Variants in ZMYND11 observed in about 807,000 individuals in gnomAD.
ZMYND11 encodes zinc finger MYND-type containing 11.
ZMYND11 carries 9 observed loss-of-function variants against 84.9 expected under a neutral mutation model. The ratio of observed to expected loss-of-function variants is 0.11; its 90% CI spans 0.06 to 0.18. The LOEUF (loss-of-function observed/expected upper bound fraction) is 0.18, where lower values mean the gene tolerates loss of function less well. ZMYND11 is among the 10% of genes least tolerant of loss of function. The pLI, the probability that ZMYND11 is intolerant of heterozygous loss-of-function variation, is 1.00. For missense variants in ZMYND11, 409 were observed against 761.0 expected (o/e 0.54, Z 5.44); for synonymous variants, 250 against 244.1 (o/e 1.02, Z -0.23).
intron 4 of ZMYND11, among the ~76,000 whole-genome samples, chr10:234,162 T>A (rs554901427): frequency 1.8e-4 from 27 of 152,308 alleles, no homozygotes; most frequent in African/African-American, 6.3e-4. Flanking sequence ...ATAGAAACAG[T>A]GGATGGCTTT....
chr10:158,557 T>C (rs1554760249), intron 1 of ZMYND11, among the ~76,000 whole-genome samples: 1 of 151,676 alleles, frequency 6.6e-6, no homozygotes, highest in African/African-American at 2.4e-5. Context: ...GCTGGGACTA[T>C]AGGTGTTTGC....
chr10:176,334 C>T (rs1439874200), intron 1 of ZMYND11, among the ~76,000 whole-genome samples: 1 of 151,896 alleles, frequency 6.6e-6, no homozygotes, highest in African/African-American at 2.4e-5. Context: ...CCAAAAGGAG[C>T]CTGTAATATT....
intron 1 of ZMYND11, among the ~76,000 whole-genome samples, chr10:170,860 A>T (rs550960692): frequency 6.6e-6 from 1 of 152,272 alleles, no homozygotes; most frequent in South Asian, 2.1e-4. Flanking sequence ...AATCACTTGA[A>T]ATATGGCCTA....
chr10:186,807 ATGTT>A (rs1320117672), intron 2 of ZMYND11, among the ~76,000 whole-genome samples: 6 of 152,102 alleles, frequency 3.9e-5, no homozygotes, highest in African/African-American at 1.4e-4. Flanking sequence ...TCTGTTCTGA[ATGTT>A]TGTTCCATCT....
intron 1 of ZMYND11, among the ~76,000 whole-genome samples, chr10:150,450 G>C (rs1405462840): frequency 2.0e-5 from 3 of 152,220 alleles, no homozygotes; most frequent in Non-Finnish European, 2.9e-5. Flanking sequence ...TGTGGGATCA[G>C]TGGTGATATC....
intron 2 of ZMYND11, among the ~76,000 whole-genome samples, chr10:200,368 GTATA>G (rs904510616): frequency 7.0e-6 from 1 of 142,302 alleles, no homozygotes; most frequent in Non-Finnish European, 1.5e-5. Flanking sequence ...GTATATATGT[GTATA>G]TATGTATATA....
At chr10:151,600 G>A (rs1265589847) in intron 1 of ZMYND11, among the ~76,000 whole-genome samples, 3 of 152,202 alleles carry the variant, frequency 2.0e-5, no homozygotes, top group African/African-American at 7.2e-5. Context: ...TGGCGTACCT[G>A]AAAGTCACGG....
chr10:252,738 AT>A lies in ZMYND11; in HGVS notation c.*273del. On this transcript the variant is annotated 3_prime_UTR_variant, in exon 15 of 15. Transcript: ENST00000381604. This position sits in a 1 kb window ranked among gnomAD's most constrained non-coding sequence, Gnocchi z 4.6. ...TTGCATTTTCAGCAAATTTTAAAAC[AT>A]TTTTAGGTTTTACAGAGATTTTAAC... 3.1e-6 allele frequency: 1 copy of A among 317,626 alleles called. No individual in the cohort carries two copies. The highest frequency in any genetic ancestry group is 5.7e-6 in the Non-Finnish European group (1 of 174,046). The allele number at this position is 317,626 out of a possible 1,614,324, so 19.7% of individuals were successfully genotyped here.
chr10:224,084 A>G lies in ZMYND11; in HGVS notation c.438+2728A>G, dbSNP rs919146700. ...CTAACCATTACTACCTAAAACTGAC[A>G]ATGAAAAGAAGCCCTTTTCTAAGAG... On this transcript the variant is annotated intron_variant, in intron 4 of 14. Coordinates refer to ENST00000381604, the MANE Select transcript of ZMYND11 (RefSeq NM_001370100.5). Among the ~76,000 whole-genome samples the G allele has an allele frequency of 4.6e-5, 7 of 152,218 alleles. No homozygotes were observed. In the South Asian group the frequency reaches 1.4e-3, roughly 32 times the overall value.
At chr10:174,337 G>C (rs1359011563) in intron 1 of ZMYND11, among the ~76,000 whole-genome samples, 2 of 152,212 alleles carry the variant, frequency 1.3e-5, no homozygotes, top group Admixed American at 1.3e-4. Context: ...GTGACATCTT[G>C]GAAAAGGCAA....
intron 14 of ZMYND11, among the ~76,000 whole-genome samples, chr10:250,509 T>G (rs976496903): frequency 2.0e-5 from 3 of 151,926 alleles, no homozygotes; most frequent in Non-Finnish European, 4.4e-5. Flanking sequence ...AAAATTCTTA[T>G]GAGTAGAAAT....
chr10:182,277 T>C (rs1848044753), intron 2 of ZMYND11, among the ~76,000 whole-genome samples: 1 of 152,216 alleles, frequency 6.6e-6, no homozygotes, highest in African/African-American at 2.4e-5. Context: ...TGTATACACA[T>C]GTTAAACTGT....
chr10:220,380 T>C (rs1946941636), intron 3 of ZMYND11, among the ~76,000 whole-genome samples: 2 of 152,172 alleles, frequency 1.3e-5, no homozygotes, highest in Non-Finnish European at 2.9e-5. Context: ...TTATAAATAA[T>C]GAATTCTAAA....
intron 1 of ZMYND11, among the ~76,000 whole-genome samples, chr10:165,078 T>C (rs559038814): frequency 6.6e-6 from 1 of 152,204 alleles, no homozygotes; most frequent in African/African-American, 2.4e-5. Context: ...TGTCAGTCAG[T>C]CTTCTGGAAA....
At chr10:132,308 T>C (rs967196679), upstream of ZMYND11, among the ~76,000 whole-genome samples, 20 of 149,400 alleles carry the variant, frequency 1.3e-4, no homozygotes, top group African/African-American at 4.6e-4. Context: ...TTTATATATA[T>C]ATATTTTATT....
intron 1 of ZMYND11, among the ~76,000 whole-genome samples, chr10:159,269 G>A (rs898921326): frequency 3.9e-5 from 6 of 152,024 alleles, no homozygotes; most frequent in Middle Eastern, 3.4e-3. Flanking sequence ...AGTGAGATTG[G>A]TGGGTCAAAG....
intron 2 of ZMYND11, among the ~76,000 whole-genome samples, chr10:202,910 C>T (rs1174448353): frequency 1.3e-5 from 2 of 151,658 alleles, no homozygotes; most frequent in East Asian, 3.9e-4. Flanking sequence ...TAAGAAAACC[C>T]ATTGTGTGGT....
chr10:135,026 A>C (rs1835568727), upstream of ZMYND11: 1 of 148,784 alleles, frequency 6.7e-6, no homozygotes, highest in East Asian at 2.0e-4. This position sits in a 1 kb window ranked among gnomAD's most constrained non-coding sequence, Gnocchi z 5.6. Context: ...ACCCGACACA[A>C]TAAACTCCGA....
chr10:146,704 G>A (rs960846918), intron 1 of ZMYND11, among the ~76,000 whole-genome samples: 4 of 152,250 alleles, frequency 2.6e-5, no homozygotes, highest in South Asian at 2.1e-4. Flanking sequence ...TGTCCCCTCC[G>A]AAAATCTCAT....
Sources: allele counts gnomAD v4.1 joint callset (sites outside exome capture counted in the v4.1 genomes callset), GRCh38; gene constraint gnomAD v4.1.1; non-coding constraint Gnocchi (gnomAD v3.1); transcripts MANE v1.5; gene names NCBI Gene and HGNC (gene_info 2026-07-23, HGNC 2026-07-21).